The following PHACTR4 variants were observed in gnomAD, a reference collection of about 807,000 sequenced individuals.
The protein encoded by PHACTR4 is protein phosphatase 1, regulatory subunit 124.
In PHACTR4, 51 loss-of-function variants were observed where a neutral mutation model predicts 72.7. The ratio of observed to expected loss-of-function variants is 0.70; its 90% confidence interval spans 0.56 to 0.89. The LOEUF (loss-of-function observed/expected upper bound fraction) is 0.89. Ranked by LOEUF, PHACTR4 falls within the 40% of genes least tolerant of loss-of-function variation. The pLI, the probability that PHACTR4 is intolerant of heterozygous loss-of-function variation, is 0.00. For missense variants in PHACTR4, 731 were observed against 861.8 expected, an observed-to-expected ratio of 0.85 and a Z score of 1.90; for synonymous variants, 255 against 302.5, an observed-to-expected ratio of 0.84 and a Z score of 1.63.
At position 28,394,328 on chromosome 1, in the gene PHACTR4, G is replaced by A. The variant is rs777057594; in HGVS notation, c.-38-13082G>A. On this transcript the variant is annotated intron_variant, in intron 1 of 13. Transcript: ENST00000373839. ...GGAAGGAAGAGGGAGGAGAGAGACA[G>A]AGCAGAGAGAGAAAGGAAGGAAAGG... Among the ~76,000 whole-genome samples, 34 of 149,308 alleles carry A rather than the reference G, an allele frequency of 2.3e-4. 1 individual carries two copies. The highest frequency in any genetic ancestry group is 3.1e-4 in the Non-Finnish European group (21 of 67,474).
At chr1:28,435,462 A>G (rs2124391501) in intron 2 of PHACTR4, among the ~76,000 whole-genome samples, 1 of 152,216 alleles carries the variant, frequency 6.6e-6, no homozygotes, top group South Asian at 2.1e-4. Context: ...CCAGGGTTTC[A>G]CCATGTTGGC....
intron 1 of PHACTR4, among the ~76,000 whole-genome samples, chr1:28,398,451 C>T (rs954621824): frequency 1.3e-5 from 2 of 151,848 alleles, no homozygotes; most frequent in African/African-American, 4.8e-5. Context: ...ACCCCACAGG[C>T]GGAGGGTTGC....
intron 2 of PHACTR4, among the ~76,000 whole-genome samples, chr1:28,410,246 G>A (rs971398874): frequency 1.1e-4 from 12 of 110,474 alleles, no homozygotes; most frequent in Non-Finnish European, 2.6e-4. Flanking sequence ...GATTACAGGC[G>A]TGAGCCACCG....
chr1:28,445,112 G>A (rs1231345930), intron 2 of PHACTR4, among the ~76,000 whole-genome samples: 3 of 150,502 alleles, frequency 2.0e-5, no homozygotes, highest in Non-Finnish European at 3.0e-5. Context: ...CTGCCAGCAT[G>A]CCCGACTAAT....
At chr1:28,377,579 T>A (rs1438874625) in intron 1 of PHACTR4, among the ~76,000 whole-genome samples, 1 of 151,892 alleles carries the variant, frequency 6.6e-6, no homozygotes, top group East Asian at 1.9e-4. Flanking sequence ...CCAGGAGTGG[T>A]GGCTGCGGCC....
At chr1:28,469,284 G>T (rs1020777517) in intron 6 of PHACTR4, among the ~76,000 whole-genome samples, 5 of 152,130 alleles carry the variant, frequency 3.3e-5, no homozygotes, top group Non-Finnish European at 5.9e-5. Flanking sequence ...GGTTGATCAA[G>T]ATTTTTGTTA....
At chr1:28,417,319 T>G (rs1378402656) in intron 2 of PHACTR4, among the ~76,000 whole-genome samples, 1 of 152,214 alleles carries the variant, frequency 6.6e-6, no homozygotes, top group African/African-American at 2.4e-5. Context: ...TACTGTTTTT[T>G]TCCTGTATAT....
chr1:28,450,190 C>T (rs1329355074), intron 2 of PHACTR4, among the ~76,000 whole-genome samples: 1 of 151,988 alleles, frequency 6.6e-6, no homozygotes, highest in Non-Finnish European at 1.5e-5. Flanking sequence ...CCTGTAGCTA[C>T]ATGACTCAAA....
intron 9 of PHACTR4, among the ~76,000 whole-genome samples, chr1:28,482,267 T>C (rs1416628552): frequency 6.6e-6 from 1 of 152,166 alleles, no homozygotes; most frequent in Non-Finnish European, 1.5e-5. Flanking sequence ...ATCAGAATGG[T>C]TCCCAGAACA....
intron 2 of PHACTR4, among the ~76,000 whole-genome samples, chr1:28,413,829 A>G (rs1654929619): frequency 6.6e-6 from 1 of 152,120 alleles, no homozygotes; most frequent in African/African-American, 2.4e-5. Context: ...AAAGTGAGGG[A>G]CTAAATAGCC....
At chr1:28,454,386 C>T (rs1223724751) in intron 2 of PHACTR4, among the ~76,000 whole-genome samples, 1 of 150,080 alleles carries the variant, frequency 6.7e-6, no homozygotes, top group African/African-American at 2.5e-5. Flanking sequence ...ACGCCATTCT[C>T]CTGCCTCAGC....
At chr1:28,415,120 G>T (rs1199330139) in intron 2 of PHACTR4, among the ~76,000 whole-genome samples, 1 of 151,964 alleles carries the variant, frequency 6.6e-6, no homozygotes, top group East Asian at 1.9e-4. Flanking sequence ...AATTACCCAG[G>T]CATGATGGCG....
chr1:28,479,650 C>A (rs1397662845), intron 8 of PHACTR4, among the ~76,000 whole-genome samples: 1 of 151,572 alleles, frequency 6.6e-6, no homozygotes, highest in Non-Finnish European at 1.5e-5. Context: ...CTTTGGGAGG[C>A]CGAGGTGGGT....
intron 2 of PHACTR4, among the ~76,000 whole-genome samples, chr1:28,430,271 G>A (rs573152320): frequency 3.9e-5 from 6 of 152,206 alleles, no homozygotes; most frequent in East Asian, 1.9e-4. Flanking sequence ...TGATCTGTCC[G>A]CCTCGGCCTC....
intron 2 of PHACTR4, among the ~76,000 whole-genome samples, chr1:28,450,974 C>CTTTTTTTTTTATTTTTTTTT (rs1657915569): frequency 1.4e-5 from 1 of 72,076 alleles, no homozygotes; most frequent in African/African-American, 6.8e-5. Context: ...CCACACCCAG[C>CTTTTTTTTTTATTTTTTTTT]TTTTTTTTTT....
intron 2 of PHACTR4, among the ~76,000 whole-genome samples, chr1:28,444,010 C>T (rs188890412): frequency 6.6e-6 from 1 of 151,916 alleles, no homozygotes. Context: ...ACCCTCCATA[C>T]TGTTCCCCAT....
intron 8 of PHACTR4, among the ~76,000 whole-genome samples, chr1:28,480,199 A>G (rs866751454): frequency 1.3e-5 from 2 of 152,196 alleles, no homozygotes; most frequent in South Asian, 4.1e-4. Flanking sequence ...AACTCTTACC[A>G]AGGAGGAAAA....
intron 1 of PHACTR4, among the ~76,000 whole-genome samples, chr1:28,372,251 A>G (rs1651305164): frequency 6.6e-6 from 1 of 152,150 alleles, no homozygotes; most frequent in Non-Finnish European, 1.5e-5. Context: ...TCGTGTTTCA[A>G]GTCTCTGGGA....
At chr1:28,405,378 G>A (rs1654245617) in intron 1 of PHACTR4, among the ~76,000 whole-genome samples, 2 of 151,834 alleles carry the variant, frequency 1.3e-5, no homozygotes, top group South Asian at 4.2e-4. Context: ...CCAGGCTAGA[G>A]TTCAGTGGCA....
Sources: gnomAD v4.1 joint callset for allele counts (sites outside exome capture counted in the v4.1 genomes callset) on GRCh38, gnomAD v4.1.1 for gene constraint, MANE v1.5 for transcripts, NCBI Gene and HGNC (gene_info 2026-07-23, HGNC 2026-07-21) for gene names.